TRIT1: variants seen among roughly 807,000 people sequenced by gnomAD.
The protein encoded by TRIT1 is tRNA isopentenyltransferase 1.
In TRIT1, 43 loss-of-function variants were observed where a neutral mutation model predicts 51.2. That is an observed-to-expected ratio of 0.84 (90% CI 0.66 to 1.08). TRIT1 has a LOEUF of 1.08. TRIT1 is among the 50% of genes least tolerant of loss of function. The pLI is 0.00. For missense variants in TRIT1, 528 were observed against 578.4 expected, an observed-to-expected ratio of 0.91 and a Z score of 0.89; for synonymous variants, 184 against 203.9, an observed-to-expected ratio of 0.90 and a Z score of 0.83.
chr1:39,878,769 C>G (rs947818120), intron 1 of TRIT1, among the ~76,000 whole-genome samples: 1 of 152,134 alleles, frequency 6.6e-6, no homozygotes, highest in African/African-American at 2.4e-5. Flanking sequence ...GTCTTTGATA[C>G]GAACTTGACA....
rs561298126 is a variant in TRIT1, at chr1:39,839,975, A to G, written c.*1769T>C. Among the ~76,000 whole-genome samples, 14 of 152,344 alleles carry G rather than the reference A, an allele frequency of 9.2e-5. No individual in the cohort carries two copies. In the South Asian group the frequency reaches 1.0e-3, roughly 11 times the overall value. On this transcript the variant is annotated 3_prime_UTR_variant, in exon 11 of 11. Coordinates refer to ENST00000316891, the MANE Select transcript of TRIT1 (RefSeq NM_017646.6). ...TCCCTACAAACTGCCAGCTTAACAC[A>G]GTGCTTAATAGCTTGAGTCTACCAG...
intron 5 of TRIT1, among the ~76,000 whole-genome samples, chr1:39,848,940 C>A (rs74069781): frequency 0.021 from 3,239 of 151,698 alleles, 67 homozygotes; most frequent in East Asian, 0.11. Context: ...GAATCAGATA[C>A]CATTATTTTA....
Position 39,850,281 on chromosome 1 carries a change from A to G in TRIT1, c.561-20T>C, listed in dbSNP as rs754012478. 6.2e-7 allele frequency: 1 copy of G among 1,613,650 alleles called. No individual in the cohort carries two copies. Among genetic ancestry groups the G allele is most frequent in the Non-Finnish European group, 8.5e-7 (1 of 1,179,784 alleles). ...AAGCTCCTAAGTAATTTAAAAGGGG[A>G]GGGAGGGGGCACACCCATAAAAACC... On this transcript the variant is annotated intron_variant, in intron 4 of 10. Coordinates refer to ENST00000316891, the MANE Select transcript of TRIT1 (RefSeq NM_017646.6).
At chr1:39,870,449 T>TATTG (rs372989989) in intron 1 of TRIT1, among the ~76,000 whole-genome samples, 21 of 145,686 alleles carry the variant, frequency 1.4e-4, no homozygotes, top group African/African-American at 4.9e-4. Context: ...TTCCCTCCAC[T>TATTG]ATTGTCCTAT....
intron 1 of TRIT1, among the ~76,000 whole-genome samples, chr1:39,866,099 A>T (rs1643540006): frequency 6.7e-6 from 1 of 148,260 alleles, no homozygotes; most frequent in African/African-American, 2.5e-5. Context: ...GAAGAAAGGA[A>T]GGAAGGAAGG....
intron 1 of TRIT1, among the ~76,000 whole-genome samples, chr1:39,866,209 G>C (rs149887989): frequency 9.6e-4 from 146 of 152,110 alleles, no homozygotes; most frequent in African/African-American, 3.4e-3. Flanking sequence ...CAGAGTCTCT[G>C]TCTCCCAGGC....
Position 39,844,131 on chromosome 1 carries a change from G to A in TRIT1, c.1204C>T (p.Arg402Ter), listed in dbSNP as rs367752391. Reference sequence around the variant, plus strand: ...CATTCGCGATCCCCAATGATGATTCGATCACAGAGGTCACACAGGTGATAA... The same window carrying A: ...CATTCGCGATCCCCAATGATGATTCAATCACAGAGGTCACACAGGTGATAA... ...RSYHLCDLCD[R>*]IIIGDREWAA... Residue 402 changes from arginine to a stop codon, truncating the protein, a stop_gained, in exon 10 of 11, where the codon CGA becomes TGA. Transcript: ENST00000316891. LOFTEE classifies it high-confidence loss of function. 6.8e-6 allele frequency: 11 copies of A among 1,613,908 alleles called. No individual in the cohort carries two copies. The highest frequency in any genetic ancestry group is 4.0e-5 in the African/African-American group (3 of 75,014).
chr1:39,872,764 C>G (rs369287377), intron 1 of TRIT1, among the ~76,000 whole-genome samples: 1 of 131,174 alleles, frequency 7.6e-6, no homozygotes, highest in Non-Finnish European at 1.6e-5. Context: ...CACACACACA[C>G]ACACACACAC....
chr1:39,852,413 C>A (rs926297867), intron 4 of TRIT1: 4 of 239,098 alleles, frequency 1.7e-5, no homozygotes, highest in Non-Finnish European at 3.2e-5. Context: ...TGTAAACAAA[C>A]TGCATGCCAG....
rs1479561866 is a variant in TRIT1, at chr1:39,852,810, C to T, written c.481G>A (p.Val161Ile). 6.2e-7 allele frequency: 1 copy of T among 1,614,116 alleles called. No homozygotes were observed. The highest frequency in any genetic ancestry group is 1.3e-5 in the African/African-American group (1 of 74,940). ...ACCTGGCTTAGGCGTTTGTGAAGTA[C>T]AAGACCATCCTCCTTTTCAAGCTCC... ...KVELEKEDGL[V>I]LHKRLSQVDP... Residue 161 changes from valine (V) to isoleucine (I), a missense_variant, in exon 4 of 11, where the codon GTA (valine) becomes ATA (isoleucine). Val to Ile is a conservative substitution (Grantham distance 29). Transcript: ENST00000316891.
chr1:39,879,421 T>C (rs1218020791), intron 1 of TRIT1, among the ~76,000 whole-genome samples: 1 of 152,106 alleles, frequency 6.6e-6, no homozygotes, highest in African/African-American at 2.4e-5. Context: ...TCTAAGACCT[T>C]AGGCCTATTT....
At chr1:39,876,801 G>A (rs1009045591) in intron 1 of TRIT1, among the ~76,000 whole-genome samples, 6 of 151,390 alleles carry the variant, frequency 4.0e-5, no homozygotes, top group Non-Finnish European at 7.4e-5. Flanking sequence ...GGTGGCGGGC[G>A]CCTGTAGTCC....
intron 2 of TRIT1, among the ~76,000 whole-genome samples, chr1:39,854,945 T>A (rs1450843278): frequency 6.6e-6 from 1 of 150,464 alleles, no homozygotes; most frequent in Non-Finnish European, 1.5e-5. Context: ...AGGGCTCGAG[T>A]CATCCTCCCA....
chr1:39,856,487 GAAAAAAAA>G (rs61518870), intron 2 of TRIT1, among the ~76,000 whole-genome samples: 234 of 108,694 alleles, frequency 2.2e-3, no homozygotes, highest in African/African-American at 7.5e-3. Context: ...GTCTCTAGGA[GAAAAAAAA>G]AAAAAAAAAA....
At chr1:39,856,513 C>T (rs867583178) in intron 2 of TRIT1, among the ~76,000 whole-genome samples, 7 of 149,846 alleles carry the variant, frequency 4.7e-5, no homozygotes, top group South Asian at 2.1e-4. Flanking sequence ...AAAAAATTCA[C>T]GTACCTCCAT....
intron 9 of TRIT1, 84 bp from the exon 10 acceptor site, chr1:39,844,302 A>G: frequency 3.2e-6 from 4 of 1,250,042 alleles, no homozygotes; most frequent in Non-Finnish European, 4.6e-6. Context: ...GATTTTCCTA[A>G]AATTCCTTTT....
chr1:39,850,305 C>T, intron 4 of TRIT1, 44 bp from the exon 5 acceptor site: 1 of 1,603,410 alleles, frequency 6.2e-7, no homozygotes, highest in Non-Finnish European at 8.5e-7. Flanking sequence ...CCCATAAAAA[C>T]CAATAGAAAA....
intron 4 of TRIT1, 78 bp from the exon 5 acceptor site, chr1:39,850,339 G>T: frequency 6.5e-7 from 1 of 1,547,220 alleles, no homozygotes; most frequent in South Asian, 1.2e-5. Context: ...GTAAAACAAG[G>T]AGAAAGGCTG....
At chr1:39,847,382 AAGTC>A in intron 7 of TRIT1, 85 bp from the exon 8 acceptor site, 1 of 1,500,042 alleles carries the variant, frequency 6.7e-7, no homozygotes, top group Non-Finnish European at 9.2e-7. Context: ...CAGCAGGAAA[AAGTC>A]AGCCACGGCA....
Sources: gnomAD v4.1 joint callset for allele counts (sites outside exome capture counted in the v4.1 genomes callset) on GRCh38, gnomAD v4.1.1 for gene constraint, MANE v1.5 for transcripts, NCBI Gene and HGNC (gene_info 2026-07-23, HGNC 2026-07-21) for gene names.